PLCB4: variants seen among roughly 807,000 people sequenced by gnomAD.
The protein encoded by PLCB4 is phospholipase C beta 4.
A neutral mutation model predicts 178.8 loss-of-function variants in PLCB4; 77 were observed. That is an observed-to-expected ratio of 0.43 (90% CI 0.36 to 0.52). The LOEUF (loss-of-function observed/expected upper bound fraction) is 0.52, where lower values mean the gene tolerates loss of function less well. PLCB4 is among the 20% of genes least tolerant of loss of function. The pLI is 0.00. For missense variants in PLCB4, 1,024 were observed against 1,453.4 expected, an observed-to-expected ratio of 0.70 and a Z score of 4.80; for synonymous variants, 496 against 490.8, an observed-to-expected ratio of 1.01 and a Z score of -0.14.
chr20:9,148,482 T>G (rs2092637613), intron 2 of PLCB4, among the ~76,000 whole-genome samples: 1 of 152,110 alleles, frequency 6.6e-6, no homozygotes, highest in African/African-American at 2.4e-5. Context: ...TGGCTGGAGA[T>G]CCTTGGTAAT....
chr20:9,165,922 A>G (rs1212046094), intron 2 of PLCB4, among the ~76,000 whole-genome samples: 1 of 152,086 alleles, frequency 6.6e-6, no homozygotes, highest in Non-Finnish European at 1.5e-5. Context: ...TGTGCAAGGC[A>G]GATAATCTCT....
At chr20:9,101,171 G>A (rs1239818295) in intron 2 of PLCB4, among the ~76,000 whole-genome samples, 1 of 152,114 alleles carries the variant, frequency 6.6e-6, no homozygotes, top group South Asian at 2.1e-4. Flanking sequence ...GAGACTGGTG[G>A]AACAGCCTCC....
At chr20:9,413,742 A>G (rs2040038877) in intron 25 of PLCB4, among the ~76,000 whole-genome samples, 3 of 151,218 alleles carry the variant, frequency 2.0e-5, no homozygotes, top group Admixed American at 1.3e-4. Context: ...TAGCACGTGC[A>G]GTGTCTCACT....
chr20:9,471,998 C>T (rs2044223500), intron 36 of PLCB4, among the ~76,000 whole-genome samples: 1 of 152,104 alleles, frequency 6.6e-6, no homozygotes, highest in African/African-American at 2.4e-5. Flanking sequence ...ATCGTTGTAG[C>T]GTTGTTTGAA....
intron 12 of PLCB4, among the ~76,000 whole-genome samples, chr20:9,373,435 A>G (rs569688903): frequency 6.6e-6 from 1 of 152,298 alleles, no homozygotes; most frequent in Non-Finnish European, 1.5e-5. Flanking sequence ...CTTTTTTTCT[A>G]TTGATCTCAT....
chr20:9,167,812 C>T (rs2092997027), intron 2 of PLCB4, among the ~76,000 whole-genome samples: 1 of 152,122 alleles, frequency 6.6e-6, no homozygotes, highest in Admixed American at 6.5e-5. Context: ...TTCAGTTAGG[C>T]ACGCCTTAAA....
chr20:9,371,153 G>A lies in PLCB4; in HGVS notation c.504-61G>A, dbSNP rs746689862. On this transcript the variant is annotated intron_variant, in intron 9 of 39. Transcript: ENST00000378473. ...TCTCCATAGTAGGACCTGGATCTTT[G>A]CATCAGAGAAAACATAATGAACAAT... 9 of 1,048,988 alleles carry A rather than the reference G, an allele frequency of 8.6e-6. No homozygotes were observed. In the African/African-American group the frequency reaches 1.1e-4, roughly 13 times the overall value. The allele number at this position is 1,048,988 out of a possible 1,614,324, so 65.0% of individuals were successfully genotyped here.
chr20:9,265,105 A>C (rs137974832), intron 3 of PLCB4, among the ~76,000 whole-genome samples: 1 of 152,284 alleles, frequency 6.6e-6, no homozygotes, highest in African/African-American at 2.4e-5. Flanking sequence ...TTATTTCTAA[A>C]AAGAGAATGA....
At chr20:9,423,652 AT>A (rs1404838237) in intron 27 of PLCB4, 95 bp from the exon 28 acceptor site, 1 of 905,106 alleles carries the variant, frequency 1.1e-6, no homozygotes, top group Non-Finnish European at 1.8e-6. Flanking sequence ...ATCAGGGAAC[AT>A]TTAAGAACAG....
intron 7 of PLCB4, among the ~76,000 whole-genome samples, chr20:9,357,115 T>C (rs2034900139): frequency 6.6e-6 from 1 of 152,106 alleles, no homozygotes; most frequent in Non-Finnish European, 1.5e-5. Context: ...AAACCCTGTC[T>C]CAAAACAAAT....
intron 2 of PLCB4, among the ~76,000 whole-genome samples, chr20:9,137,435 G>A (rs1420792338): frequency 6.6e-6 from 1 of 152,144 alleles, no homozygotes; most frequent in Non-Finnish European, 1.5e-5. Context: ...TAAAGAAGAT[G>A]TTTTTTGGAG....
At chr20:9,209,653 G>A (rs1220770314) in intron 2 of PLCB4, among the ~76,000 whole-genome samples, 4 of 152,052 alleles carry the variant, frequency 2.6e-5, no homozygotes, top group Non-Finnish European at 5.9e-5. Context: ...GCCCCCAGCC[G>A]ACAGCCTGAG....
chr20:9,177,429 C>T (rs2093173676), intron 2 of PLCB4, among the ~76,000 whole-genome samples: 1 of 152,160 alleles, frequency 6.6e-6, no homozygotes, highest in South Asian at 2.1e-4. Flanking sequence ...TGGACTGAGA[C>T]AGGGCCAAGG....
At chr20:9,421,271 C>A in intron 26 of PLCB4, 26 bp from the exon 27 acceptor site, 1 of 1,584,436 alleles carries the variant, frequency 6.3e-7, no homozygotes, top group South Asian at 1.1e-5. Flanking sequence ...GCTTACTTCT[C>A]TTTGCTCTCG....
chr20:9,373,197 A>T, intron 12 of PLCB4, 93 bp downstream of exon 12: 1 of 626,924 alleles, frequency 1.6e-6, no homozygotes, highest in East Asian at 3.0e-5. Context: ...ATATGCCCTT[A>T]TTCGCTTTGC....
At chr20:9,316,202 T>C (rs1261184828) in intron 4 of PLCB4, among the ~76,000 whole-genome samples, 1 of 151,948 alleles carries the variant, frequency 6.6e-6, no homozygotes, top group Admixed American at 6.6e-5. Flanking sequence ...CCCAGAACCT[T>C]ATTAGAGATG....
At chr20:9,459,942 A>G in intron 35 of PLCB4, 132 bp downstream of exon 35, 1 of 624,490 alleles carries the variant, frequency 1.6e-6, no homozygotes, top group Non-Finnish European at 2.8e-6. Context: ...TGTGTATCTC[A>G]TCATATGGCT....
At chr20:9,467,247 G>A (rs1382256998) in intron 35 of PLCB4, among the ~76,000 whole-genome samples, 1 of 152,140 alleles carries the variant, frequency 6.6e-6, no homozygotes, top group Non-Finnish European at 1.5e-5. Context: ...CTTGGACACA[G>A]GGTAGGGAAC....
At chr20:9,231,092 T>C (rs918808600) in intron 3 of PLCB4, among the ~76,000 whole-genome samples, 5 of 152,184 alleles carry the variant, frequency 3.3e-5, no homozygotes, top group Non-Finnish European at 7.3e-5. Context: ...TTTGGAGACA[T>C]AGTTTAATCA....
Sources: allele counts gnomAD v4.1 joint callset (sites outside exome capture counted in the v4.1 genomes callset), GRCh38; gene constraint gnomAD v4.1.1; transcripts MANE v1.5; gene names NCBI Gene and HGNC (gene_info 2026-07-23, HGNC 2026-07-21).